Variants in LURAP1 observed in about 807,000 individuals in gnomAD.
LURAP1 encodes leucine rich adaptor protein 1, also known as NF-kappa-B activator C1orf190.
In LURAP1, 14 loss-of-function variants were observed where a neutral mutation model predicts 19.0. That is an observed-to-expected ratio of 0.74 (90% CI 0.49 to 1.15). The LOEUF is 1.15. LURAP1 is among the 50% of genes most tolerant of loss of function. LURAP1 has a pLI of 0.00. For synonymous variants in LURAP1, 129 were observed against 131.8 expected, an observed-to-expected ratio of 0.98 and a Z score of 0.14; for missense variants, 273 against 309.1, an observed-to-expected ratio of 0.88 and a Z score of 0.87.
intron 1 of LURAP1, among the ~76,000 whole-genome samples, chr1:46,208,442 A>G (rs1250128073): frequency 6.6e-6 from 1 of 152,150 alleles, no homozygotes; most frequent in East Asian, 1.9e-4. Context: ...CCATAACTGA[A>G]TGGATTAATT....
At chr1:46,208,300 T>C (rs767486335) in intron 1 of LURAP1, among the ~76,000 whole-genome samples, 3 of 152,202 alleles carry the variant, frequency 2.0e-5, no homozygotes, top group Non-Finnish European at 4.4e-5. Context: ...CCAACCACAC[T>C]GAATTTTAAG....
intron 1 of LURAP1, among the ~76,000 whole-genome samples, chr1:46,206,921 G>A (rs1453666935): frequency 6.6e-6 from 1 of 152,178 alleles, no homozygotes; most frequent in Non-Finnish European, 1.5e-5. Flanking sequence ...AGGATGATAA[G>A]TGCTGGTAGA....
At position 46,215,813 on chromosome 1, in the gene LURAP1, C is replaced by G. The variant is rs142059142; in HGVS notation, c.199-3886C>G. ...TTAGGAGGCTGAGGCAGGAGGGTTG[C>G]TTGAGCTCAGGGGATCAAGGCTGTA... On this transcript the variant is annotated intron_variant, in intron 1 of 1. Transcript: ENST00000371980. Among the ~76,000 whole-genome samples, 592 of 152,220 alleles carry G rather than the reference C, an allele frequency of 3.9e-3. 5 individuals are homozygous for G. The highest frequency in any genetic ancestry group is 0.017 in the Middle Eastern group (5 of 294).
chr1:46,214,433 C>G (rs923470979), intron 1 of LURAP1, among the ~76,000 whole-genome samples: 3 of 151,890 alleles, frequency 2.0e-5, no homozygotes, highest in African/African-American at 7.3e-5. Context: ...AATCATTAAG[C>G]ATATCCTTAA....
rs1401356680 is a variant in LURAP1 at position 46,220,039 on chromosome 1, G to A, written c.539G>A (p.Arg180Lys). Residue 180 changes from arginine (R) to lysine (K), a missense_variant, in exon 2 of 2, where the codon AGG becomes AAG. By Grantham distance (26) the Arg-to-Lys change is conservative. Coordinates refer to ENST00000371980, the MANE Select transcript of LURAP1 (RefSeq NM_001013615.3). ...GCAAAAGTTATAGCTGGTGGAGAGA[G>A]GGCCAGGACTGAGGTGGATGTGGCA... ...DWAKVIAGGERARTEVDVAAT... is the reference protein window; with the variant it reads ...DWAKVIAGGEKARTEVDVAAT... The A allele has an allele frequency of 1.2e-6, 2 of 1,614,248 alleles. No individual in the cohort carries two copies. The highest frequency in any genetic ancestry group is 1.7e-6 in the Non-Finnish European group (2 of 1,180,046).
At chr1:46,212,472 G>A (rs1452128477) in intron 1 of LURAP1, among the ~76,000 whole-genome samples, 2 of 151,762 alleles carry the variant, frequency 1.3e-5, no homozygotes, top group African/African-American at 2.4e-5. Flanking sequence ...TAACAGAGAC[G>A]GGGTTTCACC....
Position 46,219,735 on chromosome 1 carries a change from C to A in LURAP1, c.235C>A (p.Gln79Lys). 1 of 1,607,034 alleles carries A rather than the reference C, an allele frequency of 6.2e-7. No homozygotes were observed. The highest frequency in any genetic ancestry group is 8.5e-7 in the Non-Finnish European group (1 of 1,176,040). The part of the protein sequence containing the change: ...LRAIDVKILQ[Q>K]LVTLNEGIEA... Reference sequence around the variant, plus strand: ...AGCCATCGATGTGAAGATCCTGCAGCAGCTGGTGACCTTGAATGAGGGCAT... The same window carrying A: ...AGCCATCGATGTGAAGATCCTGCAGAAGCTGGTGACCTTGAATGAGGGCAT... The change falls in exon 2 of 2, where the codon CAG (glutamine) becomes AAG (lysine). Residue 79 changes from glutamine to lysine, a missense_variant. Transcript: ENST00000371980.
intron 1 of LURAP1, among the ~76,000 whole-genome samples, chr1:46,212,016 C>T (rs1658912387): frequency 6.6e-6 from 1 of 152,136 alleles, no homozygotes; most frequent in Non-Finnish European, 1.5e-5. Context: ...CCCACCTCGA[C>T]CTCCCAAAGT....
intron 1 of LURAP1, among the ~76,000 whole-genome samples, chr1:46,212,582 A>C (rs780642951): frequency 6.7e-6 from 1 of 149,142 alleles, no homozygotes; most frequent in Non-Finnish European, 1.5e-5. Flanking sequence ...CACCCGGCCA[A>C]ATTTTTTTTT....
chr1:46,220,233 C>G lies in LURAP1; in HGVS notation c.*13C>G, dbSNP rs1305650130. 6.3e-7 allele frequency: 1 copy of G among 1,585,960 alleles called. No homozygotes were observed. The highest frequency in any genetic ancestry group is 1.1e-5 in the South Asian group (1 of 87,504). ...GACCTTCTTGTAACAACTATTCCACCCTTTTGTAATCCTGTGGCTCTTTTA... is the reference window on the plus strand; with the variant it reads ...GACCTTCTTGTAACAACTATTCCACGCTTTTGTAATCCTGTGGCTCTTTTA... On this transcript the variant is annotated 3_prime_UTR_variant, in exon 2 of 2. Transcript: ENST00000371980.
At chr1:46,211,450 C>CAT (rs1557684780) in intron 1 of LURAP1, among the ~76,000 whole-genome samples, 2 of 151,166 alleles carry the variant, frequency 1.3e-5, no homozygotes, top group African/African-American at 4.9e-5. Flanking sequence ...CACACACACA[C>CAT]ACACACACAC....
At chr1:46,206,244 T>C (rs540341854) in intron 1 of LURAP1, among the ~76,000 whole-genome samples, 5 of 152,224 alleles carry the variant, frequency 3.3e-5, no homozygotes, top group Non-Finnish European at 7.3e-5. Flanking sequence ...GTCTCTCTCC[T>C]GGCCTCAGTT....
chr1:46,218,721 CTG>C (rs1323145301), intron 1 of LURAP1, among the ~76,000 whole-genome samples: 2 of 152,112 alleles, frequency 1.3e-5, no homozygotes, highest in Non-Finnish European at 2.9e-5. Context: ...TGAGATTACC[CTG>C]TAAGTCAAAT....
intron 1 of LURAP1, among the ~76,000 whole-genome samples, chr1:46,214,260 C>T (rs1358772997): frequency 2.0e-5 from 3 of 151,310 alleles, no homozygotes; most frequent in Non-Finnish European, 4.4e-5. Flanking sequence ...GCATGAGAAT[C>T]GCTTGAACCT....
chr1:46,211,745 A>C (rs941300002), intron 1 of LURAP1, among the ~76,000 whole-genome samples: 2 of 152,084 alleles, frequency 1.3e-5, no homozygotes, highest in Non-Finnish European at 2.9e-5. Context: ...TCCAGTGTCT[A>C]ATTTTCTCAA....
chr1:46,212,342 G>C (rs1352351668), intron 1 of LURAP1, among the ~76,000 whole-genome samples: 2 of 148,798 alleles, frequency 1.3e-5, no homozygotes, highest in East Asian at 4.0e-4. Flanking sequence ...GTGCAGTGGC[G>C]CGATCTCAGC....
At chr1:46,206,924 CT>C (rs1381932211) in intron 1 of LURAP1, among the ~76,000 whole-genome samples, 2 of 152,160 alleles carry the variant, frequency 1.3e-5, no homozygotes, top group Non-Finnish European at 2.9e-5. Flanking sequence ...ATGATAAGTG[CT>C]GGTAGAACCC....
chr1:46,206,377 C>G (rs1241821206), intron 1 of LURAP1, among the ~76,000 whole-genome samples: 2 of 152,022 alleles, frequency 1.3e-5, no homozygotes, highest in Non-Finnish European at 2.9e-5. Flanking sequence ...CTGGGATTTC[C>G]AGGCTTTTAC....
At chr1:46,204,143 C>G (rs1057505493) in intron 1 of LURAP1, among the ~76,000 whole-genome samples, 1 of 152,196 alleles carries the variant, frequency 6.6e-6, no homozygotes, top group Non-Finnish European at 1.5e-5. Context: ...TCCGTTTCCT[C>G]TACATCCCCC....
Sources: allele counts gnomAD v4.1 joint callset (sites outside exome capture counted in the v4.1 genomes callset), GRCh38; gene constraint gnomAD v4.1.1; transcripts MANE v1.5; gene names NCBI Gene and HGNC (gene_info 2026-07-23, HGNC 2026-07-21).